Variants in SLC16A7 observed in about 807,000 individuals in gnomAD.
SLC16A7 encodes monocarboxylate transporter 2.
A neutral mutation model predicts 34.9 loss-of-function variants in SLC16A7; 33 were observed. The ratio of observed to expected loss-of-function variants is 0.94; its 90% CI spans 0.72 to 1.26. The LOEUF (loss-of-function observed/expected upper bound fraction) is 1.26, where lower values mean the gene tolerates loss of function less well. Among genes scored for constraint, SLC16A7 ranks in the 50% most tolerant of loss-of-function variants. The pLI, the probability that SLC16A7 is intolerant of heterozygous loss-of-function variation, is 0.00. For synonymous variants in SLC16A7, 201 were observed against 206.6 expected, an observed-to-expected ratio of 0.97 and a Z score of 0.23; for missense variants, 573 against 578.1, an observed-to-expected ratio of 0.99 and a Z score of 0.09.
chr12:59,717,475 G>A (rs368352646), intron 3 of SLC16A7, among the ~76,000 whole-genome samples: 24 of 152,270 alleles, frequency 1.6e-4, no homozygotes, highest in East Asian at 1.5e-3. Context: ...TCCTTCTCAT[G>A]AACACTGCTT....
chr12:59,677,430 T>C (rs1292130245), intron 2 of SLC16A7, among the ~76,000 whole-genome samples: 4 of 152,212 alleles, frequency 2.6e-5, no homozygotes, highest in Non-Finnish European at 4.4e-5. Flanking sequence ...AAACATGTTA[T>C]CTTCTTTTAC....
intron 1 of SLC16A7, among the ~76,000 whole-genome samples, chr12:59,599,202 G>A (rs534871025): frequency 1.3e-5 from 2 of 152,176 alleles, no homozygotes; most frequent in South Asian, 2.1e-4. Flanking sequence ...AAAGAGGGAG[G>A]GAAGCAGAAC....
intron 3 of SLC16A7, among the ~76,000 whole-genome samples, chr12:59,736,968 C>T: frequency 6.6e-6 from 1 of 152,178 alleles, no homozygotes; most frequent in South Asian, 2.1e-4. Flanking sequence ...TTTGCTTATC[C>T]TAAGCAAGCC....
Position 59,782,128 on chromosome 12 carries a change from A to G in SLC16A7, c.*2449A>G, listed in dbSNP as rs1333112392. ...AGTAAAACTTGCACATTCAAAGCAC[A>G]TGATTTGTACAGTCACACCTGGCAG... On this transcript the variant is annotated 3_prime_UTR_variant, in exon 6 of 6. Transcript: ENST00000547379. 6.6e-6 allele frequency: 1 copy of G among 152,222 alleles called. No individual in the cohort carries two copies. Among genetic ancestry groups the G allele is most frequent in the Non-Finnish European group, 1.5e-5 (1 of 68,040 alleles). The allele number at this position is 152,222 out of a possible 1,614,324, so 9.4% of individuals were successfully genotyped here. A position where few individuals can be genotyped will look rare whatever the true frequency, so the allele number is the denominator to read the frequency against.
chr12:59,671,963 GTGTATATATCCATATATCCGTA>G (rs1237841744), intron 2 of SLC16A7, among the ~76,000 whole-genome samples: 2,313 of 60,982 alleles, frequency 0.038, 1,097 homozygotes, highest in East Asian at 0.069. Context: ...ATGTATATAT[GTGTATATATCCATATATCCGTA>G]TATATATGTG....
At chr12:59,699,700 G>T (rs766768865) in intron 2 of SLC16A7, among the ~76,000 whole-genome samples, 2 of 151,666 alleles carry the variant, frequency 1.3e-5, no homozygotes, top group Non-Finnish European at 3.0e-5. Flanking sequence ...ATGACATATG[G>T]TCAATCCTTA....
At chr12:59,665,078 T>G (rs1365378044) in intron 2 of SLC16A7, 1 of 152,186 alleles carries the variant, frequency 6.6e-6, no homozygotes, top group Non-Finnish European at 1.5e-5. Flanking sequence ...ACTTTATATA[T>G]GCTGGCTAAT....
chr12:59,706,900 C>A (rs1873652019), intron 3 of SLC16A7, among the ~76,000 whole-genome samples: 1 of 152,086 alleles, frequency 6.6e-6, no homozygotes. Context: ...ATCAGTAGGA[C>A]AAAATTTTAT....
In SLC16A7 at chr12:59,704,909, C is replaced by G. The variant is rs1180285391; in HGVS notation, c.108C>G (p.Phe36Leu). ...AFISIGFSYAFPKAVTVFFKE... is the reference protein window; with the variant it reads ...AFISIGFSYALPKAVTVFFKE... The stretch of plus-strand genomic sequence containing the variant: ...TCTCCATTGGATTTTCCTATGCATT[C>G]CCCAAAGCTGTCACCGTATTCTTCA... The change falls in exon 3 of 6, where the codon TTC becomes TTG. Residue 36 changes from phenylalanine (F) to leucine (L), a missense_variant. Phe to Leu is a conservative substitution (Grantham distance 22, BLOSUM62 0). Coordinates refer to ENST00000547379, the MANE Select transcript of SLC16A7 (RefSeq NM_001270623.2). 1.2e-6 allele frequency: 2 copies of G among 1,613,108 alleles called. No homozygotes were observed. Among genetic ancestry groups the G allele is most frequent in the Non-Finnish European group, 1.7e-6 (2 of 1,179,258 alleles).
intron 2 of SLC16A7, among the ~76,000 whole-genome samples, chr12:59,673,199 G>T (rs1409849564): frequency 6.6e-6 from 1 of 152,118 alleles, no homozygotes; most frequent in African/African-American, 2.4e-5. Flanking sequence ...CACGTATAAT[G>T]AAGCTAACCT....
Position 59,748,437 on chromosome 12 carries a change from T to C in SLC16A7, c.218-22782T>C, listed in dbSNP as rs1481174694. ...AGTGTTGTGTCATGCCTAAAACATGTGTGACACTTATCTCTATGTGAGCGG... is the reference window on the plus strand; with the variant it reads ...AGTGTTGTGTCATGCCTAAAACATGCGTGACACTTATCTCTATGTGAGCGG... On this transcript the variant is annotated intron_variant, in intron 3 of 5. Transcript: ENST00000547379. Among the ~76,000 whole-genome samples, 3 of 152,208 alleles carry C rather than the reference T, an allele frequency of 2.0e-5. No individual in the cohort carries two copies. The East Asian group carries it at 5.8e-4, about 29-fold the overall frequency.
intron 4 of SLC16A7, among the ~76,000 whole-genome samples, chr12:59,773,215 G>A (rs967076856): frequency 6.6e-5 from 10 of 152,048 alleles, no homozygotes; most frequent in South Asian, 2.1e-4. Context: ...TTTATAAATC[G>A]GATTTAATTA....
intron 3 of SLC16A7, among the ~76,000 whole-genome samples, chr12:59,716,091 G>A (rs1874864343): frequency 6.6e-6 from 1 of 152,186 alleles, no homozygotes; most frequent in Non-Finnish European, 1.5e-5. Flanking sequence ...AAGCTTCTGT[G>A]GAAGCTTTGA....
intron 3 of SLC16A7, among the ~76,000 whole-genome samples, chr12:59,721,872 T>C (rs1037204784): frequency 6.6e-6 from 1 of 151,982 alleles, no homozygotes; most frequent in Non-Finnish European, 1.5e-5. Flanking sequence ...AAATATTTTC[T>C]TTTGATGCCA....
At chr12:59,665,440 G>GA (rs552928977) in intron 2 of SLC16A7, among the ~76,000 whole-genome samples, 5 of 150,478 alleles carry the variant, frequency 3.3e-5, no homozygotes, top group Non-Finnish European at 4.4e-5. Context: ...GTACTTTGTT[G>GA]AAAAAAAATA....
chr12:59,710,469 A>G (rs1874094272), intron 3 of SLC16A7, among the ~76,000 whole-genome samples: 1 of 151,872 alleles, frequency 6.6e-6, no homozygotes, highest in African/African-American at 2.4e-5. Flanking sequence ...ACAGATTGGA[A>G]GTGTGCTTAG....
chr12:59,620,387 C>T (rs746859428), intron 1 of SLC16A7, among the ~76,000 whole-genome samples: 16 of 151,868 alleles, frequency 1.1e-4, no homozygotes, highest in Non-Finnish European at 1.9e-4. Context: ...GGTATGTTTA[C>T]AAAAGAGGAA....
intron 2 of SLC16A7, among the ~76,000 whole-genome samples, chr12:59,684,388 G>A (rs1013986122): frequency 6.6e-6 from 1 of 152,172 alleles, no homozygotes; most frequent in Non-Finnish European, 1.5e-5. Context: ...TCTGATAGAA[G>A]GTAGAAATCT....
At chr12:59,725,298 G>A (rs973708585) in intron 3 of SLC16A7, among the ~76,000 whole-genome samples, 2 of 152,012 alleles carry the variant, frequency 1.3e-5, no homozygotes, top group Non-Finnish European at 2.9e-5. Flanking sequence ...TTTACAAAGT[G>A]AGGGAAACTT....
Sources: gnomAD v4.1 joint callset for allele counts (sites outside exome capture counted in the v4.1 genomes callset) on GRCh38, gnomAD v4.1.1 for gene constraint, MANE v1.5 for transcripts, NCBI Gene and HGNC (gene_info 2026-07-23, HGNC 2026-07-21) for gene names.